Variants in CTNNA1 observed in about 807,000 individuals in gnomAD.
CTNNA1 encodes the protein catenin alpha-1.
In CTNNA1, 37 loss-of-function variants were observed where a neutral mutation model predicts 98.4. The ratio of observed to expected loss-of-function variants is 0.38; its 90% CI spans 0.29 to 0.49. The LOEUF (loss-of-function observed/expected upper bound fraction) is 0.49. CTNNA1 is among the 20% of genes least tolerant of loss of function. The pLI is 0.95. For synonymous variants in CTNNA1, 404 were observed against 413.2 expected, an observed-to-expected ratio of 0.98 and a Z score of 0.27; for missense variants, 761 against 1,147.2, an observed-to-expected ratio of 0.66 and a Z score of 4.86.
chr5:138,926,633 C>T (rs1334507556), intron 13 of CTNNA1, among the ~76,000 whole-genome samples: 2 of 152,222 alleles, frequency 1.3e-5, no homozygotes, highest in Non-Finnish European at 2.9e-5. Flanking sequence ...CCAAGGCCAT[C>T]CCTTGCACGT....
chr5:138,887,871 A>G (rs1250642637), intron 9 of CTNNA1: 1 of 362,904 alleles, frequency 2.8e-6, no homozygotes, highest in Non-Finnish European at 4.9e-6. Flanking sequence ...CTAGAAGCCT[A>G]ACATCTCCAC....
Position 138,874,033 on chromosome 5 carries a change from C to T in CTNNA1, c.1063-12179C>T, listed in dbSNP as rs1231769604. 1 of 1,614,012 alleles carries T rather than the reference C, an allele frequency of 6.2e-7. No individual in the cohort carries two copies. ...ACTCCAGACTACGACAGTCCCAGAA[C>T]AGGCGTACTGGGATAGTCCGCAGGG... On this transcript the variant is annotated intron_variant, in intron 7 of 17. Coordinates refer to ENST00000302763, the MANE Select transcript of CTNNA1 (RefSeq NM_001903.5). The surrounding 1 kb of genome is among the most constrained non-coding windows in gnomAD (Gnocchi z 4.1).
At chr5:138,816,689 A>G (rs1309178656) in intron 5 of CTNNA1, among the ~76,000 whole-genome samples, 1 of 151,070 alleles carries the variant, frequency 6.6e-6, no homozygotes, top group Non-Finnish European at 1.5e-5. Context: ...TGAGAAATGT[A>G]TGTTTAGCTC....
chr5:138,779,151 T>TA (rs1561516879), intron 1 of CTNNA1, among the ~76,000 whole-genome samples: 1 of 152,176 alleles, frequency 6.6e-6, no homozygotes, highest in African/African-American at 2.4e-5. Context: ...AGTGCTGGAA[T>TA]TACAAGCATG....
intron 3 of CTNNA1, among the ~76,000 whole-genome samples, chr5:138,800,352 A>G (rs1435033368): frequency 1.3e-5 from 2 of 152,202 alleles, no homozygotes; most frequent in East Asian, 1.9e-4. Context: ...ATTTAAAGCA[A>G]AAGGGAGGTG....
intron 3 of CTNNA1, among the ~76,000 whole-genome samples, chr5:138,805,238 A>T (rs376067824): frequency 6.6e-6 from 1 of 152,214 alleles, no homozygotes; most frequent in African/African-American, 2.4e-5. Context: ...ACAGTTTGAC[A>T]TGGGATGTGG....
intron 9 of CTNNA1, among the ~76,000 whole-genome samples, chr5:138,891,774 TAAC>T (rs1163364589): frequency 1.3e-5 from 2 of 151,036 alleles, no homozygotes; most frequent in Non-Finnish European, 3.0e-5. Context: ...ATAAATAAAA[TAAC>T]AACAACCACA....
chr5:138,799,968 C>T (rs533219956), intron 3 of CTNNA1, among the ~76,000 whole-genome samples: 2 of 152,154 alleles, frequency 1.3e-5, no homozygotes, highest in African/African-American at 4.8e-5. Context: ...GCCATCTCGG[C>T]TCACTGCAAC....
chr5:138,906,158 A>G (rs925034748), intron 10 of CTNNA1, among the ~76,000 whole-genome samples: 2 of 152,152 alleles, frequency 1.3e-5, no homozygotes, highest in Non-Finnish European at 2.9e-5. Flanking sequence ...AACCATGTGG[A>G]TTAATTTGCC....
intron 9 of CTNNA1, among the ~76,000 whole-genome samples, chr5:138,897,061 A>T (rs902984875): frequency 6.8e-6 from 1 of 146,236 alleles, no homozygotes; most frequent in Non-Finnish European, 1.5e-5. Flanking sequence ...TAAAAATGAT[A>T]TATTATTCAT....
intron 3 of CTNNA1, among the ~76,000 whole-genome samples, chr5:138,804,217 A>G (rs1049604558): frequency 1.3e-5 from 2 of 152,264 alleles, no homozygotes; most frequent in African/African-American, 4.8e-5. Flanking sequence ...GCAAGTGGCA[A>G]AGCCAAAACT....
chr5:138,794,167 G>A (rs1159589568), intron 3 of CTNNA1, among the ~76,000 whole-genome samples: 2 of 151,788 alleles, frequency 1.3e-5, no homozygotes, highest in African/African-American at 2.4e-5. Context: ...GCCAGCACCC[G>A]CCACCATGCC....
rs754268950 is a variant in CTNNA1 at position 138,933,786 on chromosome 5, CCT to C, written c.2434-15_2434-14del. 3.2e-5 allele frequency: 51 copies of C among 1,609,764 alleles called. No individual in the cohort carries two copies. The highest frequency in any genetic ancestry group is 1.3e-4 in the East Asian group (6 of 44,862). On this transcript the variant is annotated splice_polypyrimidine_tract_variant and intron_variant, in intron 17 of 17. Coordinates refer to ENST00000302763, the MANE Select transcript of CTNNA1 (RefSeq NM_001903.5). ...GGTCAGGCCGGTGCTTCTTACCACC[CCT>C]GTCTGCCTCGTAGGTGGACAGCGCC...
At chr5:138,845,678 G>A (rs941971883) in intron 7 of CTNNA1, among the ~76,000 whole-genome samples, 2 of 152,176 alleles carry the variant, frequency 1.3e-5, no homozygotes, top group Non-Finnish European at 2.9e-5. Context: ...GAAGAGTCTT[G>A]TGGAAGAGAA....
intron 7 of CTNNA1, among the ~76,000 whole-genome samples, chr5:138,861,423 T>A (rs1010209797): frequency 1.5e-4 from 23 of 152,372 alleles, no homozygotes; most frequent in Non-Finnish European, 3.1e-4. Context: ...GATCAAAAAC[T>A]GGCAGAACAT....
chr5:138,900,920 C>T (rs1757894643), intron 9 of CTNNA1, among the ~76,000 whole-genome samples: 1 of 152,196 alleles, frequency 6.6e-6, no homozygotes, highest in African/African-American at 2.4e-5. Flanking sequence ...TGATCTCAAA[C>T]TAGTGGTTGT....
In CTNNA1 at chr5:138,874,220, A is replaced by G; in HGVS notation, c.1063-11992A>G. 6.2e-7 allele frequency: 1 copy of G among 1,613,910 alleles called. No individual in the cohort carries two copies. On this transcript the variant is annotated intron_variant, in intron 7 of 17. Coordinates refer to ENST00000302763, the MANE Select transcript of CTNNA1 (RefSeq NM_001903.5). The surrounding 1 kb of genome is among the most constrained non-coding windows in gnomAD (Gnocchi z 4.1). ...AAATATTTTGTTGGAACTTAAGATT[A>G]ATTCCTTAAGTTTATATAGTCCTTG...
At chr5:138,844,807 T>C (rs1427759747) in intron 7 of CTNNA1, among the ~76,000 whole-genome samples, 1 of 152,162 alleles carries the variant, frequency 6.6e-6, no homozygotes, top group Non-Finnish European at 1.5e-5. Flanking sequence ...AAAGAAAAGA[T>C]TGGCATTCAT....
At chr5:138,815,467 G>A (rs1759340148) in intron 5 of CTNNA1, among the ~76,000 whole-genome samples, 1 of 151,990 alleles carries the variant, frequency 6.6e-6, no homozygotes, top group African/African-American at 2.4e-5. Flanking sequence ...ATGCTAGGGT[G>A]TTACTCTTAG....
Sources: gnomAD v4.1 joint callset for allele counts (sites outside exome capture counted in the v4.1 genomes callset) on GRCh38, gnomAD v4.1.1 for gene constraint, Gnocchi (gnomAD v3.1) non-coding constraint, MANE v1.5 for transcripts, NCBI Gene and HGNC (gene_info 2026-07-23, HGNC 2026-07-21) for gene names.